Variants in RFX1 observed in about 807,000 individuals in gnomAD.
The protein encoded by RFX1 is MHC class II regulatory factor RFX1.
In RFX1, 42 loss-of-function variants were observed where a neutral mutation model predicts 119.6. The ratio of observed to expected loss-of-function variants is 0.35; its 90% CI spans 0.27 to 0.45. The LOEUF (loss-of-function observed/expected upper bound fraction) is 0.45. Among genes scored for constraint, RFX1 ranks in the 20% least tolerant of loss-of-function variants. The pLI is 1.00. For synonymous variants in RFX1, 628 were observed against 618.5 expected, an observed-to-expected ratio of 1.02 and a Z score of -0.23; for missense variants, 1,118 against 1,368.1, an observed-to-expected ratio of 0.82 and a Z score of 2.88.
In RFX1 at chr19:13,966,639, G is replaced by A; in HGVS notation, c.1845C>T (p.His615=). ...GCCCACCTGGCCACCCTACCTCACA[G>A]TGTTCCCGGTACAGGACCTGGAAGG... ...IKAFQVLYRE[H]CEAIVDVMVN... is the part of the protein sequence containing the mutation. The change falls in exon 13 of 21, where the codon CAC becomes CAT. Residue 615 remains histidine (H), a synonymous_variant. Transcript: ENST00000254325. This position sits in a 1 kb window ranked among gnomAD's most constrained non-coding sequence, Gnocchi z 6.3. 1 of 1,596,802 alleles carries A rather than the reference G, an allele frequency of 6.3e-7. No homozygotes were observed. Among genetic ancestry groups the A allele is most frequent in the Non-Finnish European group, 8.6e-7 (1 of 1,169,508 alleles).
chr19:14,004,539 A>G (rs940049939), intron 1 of RFX1, among the ~76,000 whole-genome samples: 1 of 152,116 alleles, frequency 6.6e-6, no homozygotes, highest in African/African-American at 2.4e-5. Context: ...CCGTCTAGCA[A>G]CTTGGCATTT....
chr19:13,983,400 G>T, intron 3 of RFX1, 86 bp downstream of exon 3: 1 of 1,256,884 alleles, frequency 8.0e-7, no homozygotes, highest in Non-Finnish European at 1.1e-6. Flanking sequence ...CAGGAAGCGG[G>T]GAGGGGAGGT....
chr19:13,999,668 T>G (rs538601385), intron 1 of RFX1, among the ~76,000 whole-genome samples: 4 of 137,200 alleles, frequency 2.9e-5, no homozygotes, highest in East Asian at 3.9e-4. Flanking sequence ...AACCCTGTGT[T>G]TTTTTTTTGT....
In RFX1 at chr19:13,993,726, G is replaced by C; in HGVS notation, c.118C>G (p.Pro40Ala). The C allele has an allele frequency of 1.3e-6, 2 of 1,584,964 alleles. No individual in the cohort carries two copies. ...PPPPPPAAPQPPQPPTAAATP... is the reference protein window; with the variant it reads ...PPPPPPAAPQAPQPPTAAATP... ...GCAGCAGCGGTGGGTGGCTGCGGGG[G>C]CTGGGGTGCCGCTGGGGGTGGTGGC... The change falls in exon 2 of 21, where the codon CCC becomes GCC. Residue 40 changes from proline (P) to alanine (A), a missense_variant. Transcript: ENST00000254325.
intron 1 of RFX1, among the ~76,000 whole-genome samples, chr19:14,000,489 C>T (rs112952263): frequency 6.6e-6 from 1 of 151,510 alleles, no homozygotes; most frequent in East Asian, 1.9e-4. Context: ...CACATACACA[C>T]ACACACACTC....
At chr19:13,976,995 C>CA (rs140496393) in intron 8 of RFX1, among the ~76,000 whole-genome samples, 8,455 of 146,994 alleles carry the variant, frequency 0.058, 709 homozygotes, top group African/African-American at 0.18. Context: ...GACCCTGTCT[C>CA]AAAAAAAACA....
chr19:13,998,477 G>A (rs949304788), intron 1 of RFX1, among the ~76,000 whole-genome samples: 1 of 150,762 alleles, frequency 6.6e-6, no homozygotes, highest in Non-Finnish European at 1.5e-5. Flanking sequence ...GGGTGACAGA[G>A]CAAGACTCTG....
At chr19:13,972,422 G>T (rs1056988243) in intron 9 of RFX1, among the ~76,000 whole-genome samples, 2 of 152,076 alleles carry the variant, frequency 1.3e-5, no homozygotes, top group Non-Finnish European at 1.5e-5. Context: ...TTGAACTCCT[G>T]ACTTCAGGTG....
intron 18 of RFX1, 59 bp downstream of exon 18, chr19:13,963,479 C>G: frequency 6.6e-7 from 1 of 1,511,500 alleles, no homozygotes; most frequent in Non-Finnish European, 8.9e-7. Flanking sequence ...CACCTGAGAC[C>G]CCCAGGGACG....
At chr19:13,970,285 G>T in intron 9 of RFX1, 110 bp from the exon 10 acceptor site, 2 of 886,706 alleles carry the variant, frequency 2.3e-6, no homozygotes, top group Non-Finnish European at 1.7e-6. Context: ...TGACAGCCAC[G>T]CCCACATAAG....
Position 13,985,142 on chromosome 19 carries a change from G to C in RFX1, c.320-1547C>G, listed in dbSNP as rs1295001814. Among the ~76,000 whole-genome samples the C allele has an allele frequency of 6.6e-6, 1 of 151,580 alleles. No homozygotes were observed. Among genetic ancestry groups the C allele is most frequent in the African/African-American group, 2.4e-5 (1 of 41,208 alleles). ...CTCCCGAAGTGCCGGAATTACCGGC[G>C]TGAGCCACTGTGCCTGGCTGACAGT... is the stretch of plus-strand genomic sequence containing the variant. On this transcript the variant is annotated intron_variant, in intron 2 of 20. Transcript: ENST00000254325. The surrounding 1 kb of genome is among the most constrained non-coding windows in gnomAD (Gnocchi z 4.3).
rs1974590714 is a variant in RFX1, at chr19:13,986,257, C to G, written c.320-2662G>C. 6.6e-6 allele frequency among the ~76,000 whole-genome samples: 1 copy of G among 152,138 alleles called. No homozygotes were observed. The highest frequency in any genetic ancestry group is 1.5e-5 in the Non-Finnish European group (1 of 67,998). On this transcript the variant is annotated intron_variant, in intron 2 of 20. Transcript: ENST00000254325. This position sits in a 1 kb window ranked among gnomAD's most constrained non-coding sequence, Gnocchi z 4.2. ...CTGGCCCCCCACCCTCTCCAGGGCT[C>G]AGGGGCTGGTCGCTGAGCAGGACCT...
intron 8 of RFX1, among the ~76,000 whole-genome samples, chr19:13,975,443 A>G (rs1450063524): frequency 6.6e-6 from 1 of 151,766 alleles, no homozygotes; most frequent in Non-Finnish European, 1.5e-5. Context: ...TGAAGGTGGC[A>G]GGGGAGGGAG....
Position 13,962,144 on chromosome 19 carries a change from C to A in RFX1, c.*551G>T. 6.5e-6 allele frequency: 1 copy of A among 153,078 alleles called. No individual in the cohort carries two copies. Among genetic ancestry groups the A allele is most frequent in the Non-Finnish European group, 1.5e-5 (1 of 68,576 alleles). 9.5% of individuals were successfully genotyped at this position (153,078 alleles called of 1,614,324 possible). ...GGAGGGCCCAGCGCTGGAGAAGATG[C>A]GACACCCACGGCTTTAATTGCACTT... On this transcript the variant is annotated 3_prime_UTR_variant, in exon 21 of 21. Coordinates refer to ENST00000254325, the MANE Select transcript of RFX1 (RefSeq NM_002918.5).
chr19:13,963,619 C>T lies in RFX1; in HGVS notation c.2489G>A (p.Ser830Asn). Residue 830 changes from serine (S) to asparagine (N), a missense_variant, in exon 18 of 21, where the codon AGC (serine) becomes AAC (asparagine). Ser to Asn is a conservative substitution (Grantham distance 46). Coordinates refer to ENST00000254325, the MANE Select transcript of RFX1 (RefSeq NM_002918.5). Reference protein sequence around the residue: ...QWAAWLDGVVSQVLKPYQGSA... With the variant: ...QWAAWLDGVVNQVLKPYQGSA... ...GCCCTGGTAGGGCTTGAGCACCTGG[C>T]TCACCACGCCGTCCAGCCAGGCCGC... The T allele has an allele frequency of 1.2e-6, 2 of 1,602,248 alleles. No homozygotes were observed. Among genetic ancestry groups the T allele is most frequent in the Non-Finnish European group, 1.7e-6 (2 of 1,178,062 alleles).
Position 13,968,640 on chromosome 19 carries a change from C to T in RFX1, c.1657G>A (p.Val553Met), listed in dbSNP as rs146416788. The T allele has an allele frequency of 1.7e-4, 273 of 1,613,234 alleles. No individual in the cohort carries two copies. The highest frequency in any genetic ancestry group is 2.0e-4 in the Non-Finnish European group (235 of 1,179,966). ...GTGCTCGGCTGCTGCCCCACCGCCACGCCGTTGGTCATGCCTTCCATCTTC... is the reference window on the plus strand; with the variant it reads ...GTGCTCGGCTGCTGCCCCACCGCCATGCCGTTGGTCATGCCTTCCATCTTC... Reference protein sequence around the residue: ...IQKMEGMTNGVAVGQQPSTGL... With the variant: ...IQKMEGMTNGMAVGQQPSTGL... Residue 553 changes from valine (V) to methionine (M), a missense_variant, in exon 12 of 21, where the codon GTG becomes ATG. Coordinates refer to ENST00000254325, the MANE Select transcript of RFX1 (RefSeq NM_002918.5). The surrounding 1 kb of genome is among the most constrained non-coding windows in gnomAD (Gnocchi z 5.5).
At chr19:13,989,737 G>A (rs949617392) in intron 2 of RFX1, among the ~76,000 whole-genome samples, 2 of 152,204 alleles carry the variant, frequency 1.3e-5, no homozygotes, top group African/African-American at 4.8e-5. Flanking sequence ...GGAGCCATCA[G>A]GGTTGAGCTA....
intron 1 of RFX1, among the ~76,000 whole-genome samples, chr19:13,995,851 C>CAA (rs57542235): frequency 0.014 from 498 of 35,534 alleles, 22 homozygotes; most frequent in African/African-American, 0.024. Context: ...ACTCTGTCTC[C>CAA]AAAAAAAAAA....
chr19:13,983,241 G>C lies in RFX1; in HGVS notation c.459C>G (p.Ala153=). The C allele has an allele frequency of 6.4e-7, 1 of 1,574,554 alleles. No individual in the cohort carries two copies. Among genetic ancestry groups the C allele is most frequent in the Admixed American group, 1.8e-5 (1 of 55,288 alleles). The stretch of plus-strand genomic sequence containing the variant: ...GGAGGGGCGACACGTGGCCTGGCTT[G>C]GCCTGCACGCTCGTCTGGACCAGCA... ...QRLLVQTSVQ[A]KPGHVSPLQL... Residue 153 remains alanine, a synonymous_variant, in exon 4 of 21, where the codon GCC becomes GCG. Transcript: ENST00000254325.
Sources: allele counts gnomAD v4.1 joint callset (sites outside exome capture counted in the v4.1 genomes callset), GRCh38; gene constraint gnomAD v4.1.1; non-coding constraint Gnocchi (gnomAD v3.1); transcripts MANE v1.5; gene names NCBI Gene and HGNC (gene_info 2026-07-23, HGNC 2026-07-21).